ALDH5A1: variants seen among roughly 807,000 people sequenced by gnomAD.
ALDH5A1 encodes aldehyde dehydrogenase 5 family member A1.
Under a neutral mutation model 54.7 loss-of-function variants are expected in ALDH5A1, and 33 were observed. That is an observed-to-expected ratio of 0.60 (90% CI 0.46 to 0.81). The LOEUF (loss-of-function observed/expected upper bound fraction) is 0.81. Ranked by LOEUF, ALDH5A1 falls within the 30% of genes least tolerant of loss-of-function variation. The pLI is 0.00. For synonymous variants in ALDH5A1, 294 were observed against 292.7 expected (o/e 1.00, Z -0.05); for missense variants, 657 against 711.0 (o/e 0.92, Z 0.86).
chr6:24,505,504 C>G (rs1426414531), intron 4 of ALDH5A1, among the ~76,000 whole-genome samples: 1 of 152,072 alleles, frequency 6.6e-6, no homozygotes, highest in African/African-American at 2.4e-5. Context: ...CTGCTTGGAC[C>G]ACTCTGGCCC....
intron 7 of ALDH5A1, among the ~76,000 whole-genome samples, chr6:24,526,885 T>G (rs1054968486): frequency 8.6e-5 from 11 of 128,236 alleles, no homozygotes; most frequent in African/African-American, 3.3e-4. Context: ...TCTATATATA[T>G]ATTCTATATA....
rs1357217587 is a variant in ALDH5A1, at chr6:24,509,990, T to C, written c.726+5005T>C. On this transcript the variant is annotated intron_variant, in intron 4 of 9. Coordinates refer to ENST00000357578, the MANE Select transcript of ALDH5A1 (RefSeq NM_001080.3). This position sits in a 1 kb window ranked among gnomAD's most constrained non-coding sequence, Gnocchi z 4.7. Reference sequence around the variant, plus strand: ...CACCTTTGCTGTATCCCAGAGGTTTTGATATGTTGTATCACTGTTGTCATT... The same window carrying C: ...CACCTTTGCTGTATCCCAGAGGTTTCGATATGTTGTATCACTGTTGTCATT... Among the ~76,000 whole-genome samples the C allele has an allele frequency of 6.6e-6, 1 of 152,168 alleles. No homozygotes were observed. The highest frequency in any genetic ancestry group is 1.9e-4 in the East Asian group (1 of 5,200).
At chr6:24,505,038 G>C (rs960724864) in intron 4 of ALDH5A1, 53 bp downstream of exon 4, 118 of 1,582,976 alleles carry the variant, frequency 7.5e-5, no homozygotes, top group South Asian at 1.9e-4. Flanking sequence ...AAAAATTGAT[G>C]TTTATCTGGG....
chr6:24,512,464 T>G (rs544150690), intron 4 of ALDH5A1, among the ~76,000 whole-genome samples: 1 of 152,344 alleles, frequency 6.6e-6, no homozygotes, highest in Admixed American at 6.5e-5. Context: ...GTGTTGTGTT[T>G]GTTCATGCTT....
rs1651509949 is a variant in ALDH5A1 at position 24,508,381 on chromosome 6, A to T, written c.726+3396A>T. Among the ~76,000 whole-genome samples, 2 of 53,132 alleles carry T rather than the reference A, an allele frequency of 3.8e-5. 1 individual carries two copies. The allele number at this position is 53,132 out of a possible 152,430, so 34.9% of individuals were successfully genotyped here. A position where few individuals can be genotyped will look rare whatever the true frequency, so the allele number is the denominator to read the frequency against. ...ATCTCCAAAAAAAAAAAAAAAAAAA[A>T]AAAAAAAGATTAATAGTCTCTAATC... On this transcript the variant is annotated intron_variant, in intron 4 of 9. Coordinates refer to ENST00000357578, the MANE Select transcript of ALDH5A1 (RefSeq NM_001080.3).
In ALDH5A1 at chr6:24,515,215, T is replaced by C; in HGVS notation, c.775T>C (p.Cys259Arg). ...TTCAGGTGTATACAATGTTATTCCC[T>C]GTTCTCGAAAGAATGCCAAGGAAGT... ...IPSGVYNVIPCSRKNAKEVGE... is the reference protein window; with the variant it reads ...IPSGVYNVIPRSRKNAKEVGE... The change falls in exon 5 of 10, where the codon TGT becomes CGT. Residue 259 changes from cysteine to arginine, a missense_variant. By Grantham distance (180) the Cys-to-Arg change is radical. Around this residue, in one of 2 missense-constraint regions of ALDH5A1, gnomAD observed 425 missense variants for 516.4 expected, o/e 0.82. Coordinates refer to ENST00000357578, the MANE Select transcript of ALDH5A1 (RefSeq NM_001080.3). The C allele has an allele frequency of 1.2e-6, 2 of 1,612,858 alleles. No individual in the cohort carries two copies. Among genetic ancestry groups the C allele is most frequent in the African/African-American group, 1.3e-5 (1 of 74,820 alleles).
Position 24,519,794 on chromosome 6 carries a change from T to C in ALDH5A1, c.871-607T>C, listed in dbSNP as rs1759640940. ...AAATGTACATGTACCTGAATCTGCA[T>C]GGCTACATTCTAAATGGATGTACTT... On this transcript the variant is annotated intron_variant, in intron 5 of 9. Coordinates refer to ENST00000357578, the MANE Select transcript of ALDH5A1 (RefSeq NM_001080.3). Among the ~76,000 whole-genome samples the C allele has an allele frequency of 5.3e-5, 8 of 151,860 alleles. No homozygotes were observed. The South Asian group carries it at 1.7e-3, about 32-fold the overall frequency.
At chr6:24,527,901 AAG>A (rs979312781) in intron 7 of ALDH5A1, 94 bp from the exon 8 acceptor site, 1 of 1,447,442 alleles carries the variant, frequency 6.9e-7, no homozygotes, top group African/African-American at 1.4e-5. Context: ...TTTTTTGAAA[AAG>A]AAAAAAAAAT....
chr6:24,499,492 T>A (rs954042383), intron 1 of ALDH5A1, among the ~76,000 whole-genome samples: 1 of 152,012 alleles, frequency 6.6e-6, no homozygotes, highest in Non-Finnish European at 1.5e-5. Flanking sequence ...TCTTCCTTTT[T>A]TCTTTTCTTT....
chr6:24,527,728 C>T (rs1759846135), intron 7 of ALDH5A1, among the ~76,000 whole-genome samples: 1 of 152,076 alleles, frequency 6.6e-6, no homozygotes, highest in African/African-American at 2.4e-5. Flanking sequence ...AGCCGCAGGC[C>T]TAGAAAGAAG....
At chr6:24,495,967 G>T (rs1049741977) in intron 1 of ALDH5A1, among the ~76,000 whole-genome samples, 1 of 152,212 alleles carries the variant, frequency 6.6e-6, no homozygotes, top group Admixed American at 6.5e-5. Context: ...AGAATTGGGA[G>T]TAAGGGGTGG....
chr6:24,533,196 C>G (rs1581827419), intron 9 of ALDH5A1, among the ~76,000 whole-genome samples: 1 of 152,108 alleles, frequency 6.6e-6, no homozygotes, highest in African/African-American at 2.4e-5. Context: ...ATTTTATAAT[C>G]AGGAGTCATC....
chr6:24,517,470 A>G (rs1759597231), intron 5 of ALDH5A1, among the ~76,000 whole-genome samples: 1 of 152,248 alleles, frequency 6.6e-6, no homozygotes, highest in Non-Finnish European at 1.5e-5. Context: ...CTTACAATGC[A>G]AACTTATCCG....
chr6:24,499,654 A>G (rs971439576), intron 1 of ALDH5A1, among the ~76,000 whole-genome samples: 1 of 146,690 alleles, frequency 6.8e-6, no homozygotes, highest in Admixed American at 6.8e-5. Context: ...CACCACACCC[A>G]GATAATTTCT....
intron 9 of ALDH5A1, among the ~76,000 whole-genome samples, chr6:24,532,929 G>T (rs2744598): frequency 0.37 from 56,733 of 151,892 alleles, 11,482 homozygotes; most frequent in African/African-American, 0.53. Flanking sequence ...TGGGGTGATG[G>T]TGGAGGAAGA....
rs138164054 is a variant in ALDH5A1, at chr6:24,498,123, G to A, written c.354+2773G>A. Among the ~76,000 whole-genome samples, 12 of 152,300 alleles carry A rather than the reference G, an allele frequency of 7.9e-5. No homozygotes were observed. The East Asian group carries it at 1.5e-3, about 20-fold the overall frequency. ...GATGACTCCAGGGCTTTTGGCCTGA[G>A]CAATTGGAAGGATGAGGATAGCTGA... On this transcript the variant is annotated intron_variant, in intron 1 of 9. Coordinates refer to ENST00000357578, the MANE Select transcript of ALDH5A1 (RefSeq NM_001080.3).
rs774211166 is a variant in ALDH5A1 at position 24,520,594 on chromosome 6, AGTGTGTGTAT to A, written c.1014+59_1014+68del. ...ATGTGTGTTTGCGTGTGCATGTGTG[AGTGTGTGTAT>A]GTGTGTGTGTGTGATATGTGTGCAT... On this transcript the variant is annotated intron_variant, in intron 6 of 9. Transcript: ENST00000357578. 9.4e-5 allele frequency: 151 copies of A among 1,604,492 alleles called. 1 individual carries two copies. The highest frequency in any genetic ancestry group is 1.2e-4 in the Non-Finnish European group (138 of 1,176,378).
At chr6:24,501,352 G>A (rs1191031592) in intron 1 of ALDH5A1, among the ~76,000 whole-genome samples, 1 of 152,170 alleles carries the variant, frequency 6.6e-6, no homozygotes, top group African/African-American at 2.4e-5. Context: ...CTAGAAATAG[G>A]TTAAACTGAA....
intron 4 of ALDH5A1, among the ~76,000 whole-genome samples, chr6:24,508,882 A>C (rs971774606): frequency 2.6e-5 from 4 of 152,028 alleles, no homozygotes; most frequent in African/African-American, 9.7e-5. Context: ...GATGTTGAGC[A>C]TTTTTTCATA....
Sources: allele counts gnomAD v4.1 joint callset (sites outside exome capture counted in the v4.1 genomes callset), GRCh38; gene constraint gnomAD v4.1.1; regional missense constraint gnomAD v4.1.1; non-coding constraint Gnocchi (gnomAD v3.1); transcripts MANE v1.5; gene names NCBI Gene and HGNC (gene_info 2026-07-23, HGNC 2026-07-21).